Variants in TMPRSS7 observed in about 807,000 individuals in gnomAD.
TMPRSS7 encodes the protein transmembrane protease serine 7.
In TMPRSS7, 81 loss-of-function variants were observed where a neutral mutation model predicts 95.6. The ratio of observed to expected loss-of-function variants is 0.85; its 90% CI spans 0.71 to 1.02. TMPRSS7 has a LOEUF of 1.02. Ranked by LOEUF, TMPRSS7 falls within the 50% of genes least tolerant of loss-of-function variation. The probability of loss-of-function intolerance (pLI) is 0.00; values close to 1 mark genes in which losing one functional copy is unlikely to be tolerated. For synonymous variants in TMPRSS7, 364 were observed against 337.8 expected, an observed-to-expected ratio of 1.08 and a Z score of -0.85; for missense variants, 945 against 955.2, an observed-to-expected ratio of 0.99 and a Z score of 0.14.
At chr3:112,044,266 T>A (rs1196702806) in exon 4 of TMPRSS7, 1 of 1,550,408 alleles carries the variant, frequency 6.4e-7, no homozygotes, top group South Asian at 1.2e-5. Context: ...TAAACCTGGT[T>A]TATACAACAT....
rs1198475883 is a variant in TMPRSS7, at chr3:112,076,759, T to C, written c.1956-117T>C. ...CCCCGGACAAAGCCAGTGACTATAA[T>C]AACACCCTGGAAGTCAGGCCCTTCT... is the stretch of plus-strand genomic sequence containing the variant. On this transcript the variant is annotated intron_variant, in intron 15 of 17. Coordinates refer to ENST00000452346, the Ensembl canonical transcript of TMPRSS7. 7.3e-6 allele frequency: 9 copies of C among 1,235,744 alleles called. No individual in the cohort carries two copies. The Admixed American group carries it at 1.5e-4, about 21-fold the overall frequency. The allele number at this position is 1,235,744 out of a possible 1,614,324, so 76.5% of individuals were successfully genotyped here.
exon 8 of TMPRSS7, chr3:112,049,854 C>G: frequency 6.6e-7 from 1 of 1,518,942 alleles, no homozygotes. Flanking sequence ...AATTTGTGAA[C>G]CCACAAGAAC....
intron 1 of TMPRSS7, among the ~76,000 whole-genome samples, chr3:112,037,769 G>A (rs574795542): frequency 7.9e-5 from 12 of 152,022 alleles, no homozygotes; most frequent in African/African-American, 2.2e-4. Context: ...TTCTCAGACC[G>A]GCCGACACTT....
At chr3:112,055,442 A>G (rs2073420668) in intron 9 of TMPRSS7, among the ~76,000 whole-genome samples, 1 of 101,192 alleles carries the variant, frequency 9.9e-6, no homozygotes, top group Admixed American at 1.1e-4. Context: ...GAAACAAGCA[A>G]ACACTTGCGC....
intron 7 of TMPRSS7, among the ~76,000 whole-genome samples, chr3:112,048,415 C>T (rs1236335033): frequency 6.6e-6 from 1 of 152,156 alleles, no homozygotes; most frequent in Non-Finnish European, 1.5e-5. Flanking sequence ...GTATCAATTA[C>T]TTCACAACCT....
chr3:112,042,180 G>A, intron 3 of TMPRSS7, 130 bp downstream of exon 3: 1 of 605,186 alleles, frequency 1.7e-6, no homozygotes, highest in Non-Finnish European at 2.8e-6. Flanking sequence ...GTAGACAAAG[G>A]AAGGTGTCAG....
Position 112,077,471 on chromosome 3 carries a change from C to A in TMPRSS7, c.2224+327C>A, listed in dbSNP as rs2073725937. Among the ~76,000 whole-genome samples the A allele has an allele frequency of 1.3e-5, 2 of 152,148 alleles. 1 individual carries two copies. Among genetic ancestry groups the A allele is most frequent in the South Asian group, 4.2e-4 (2 of 4,812 alleles). ...AGAGAAGGAGCAATTCCTCCCTTTT[C>A]ATTCAAAGAAATGATTCATTTATAA... On this transcript the variant is annotated intron_variant, in intron 16 of 17. Coordinates refer to ENST00000452346, the Ensembl canonical transcript of TMPRSS7.
At position 112,061,779 on chromosome 3, in the gene TMPRSS7, C is replaced by T; in HGVS notation, c.1311-8C>T. On this transcript the variant is annotated splice_polypyrimidine_tract_variant and splice_region_variant and intron_variant, in intron 10 of 17. Coordinates refer to ENST00000452346, the Ensembl canonical transcript of TMPRSS7. ...GCTGTGTATTCTCCCCGACTCTTGT[C>T]TCCCCAGGTACTGTGGCTCCTACAT... The T allele has an allele frequency of 6.3e-7, 1 of 1,593,884 alleles. No individual in the cohort carries two copies. Among genetic ancestry groups the T allele is most frequent in the Non-Finnish European group, 8.6e-7 (1 of 1,169,288 alleles).
At chr3:112,061,129 T>C (rs554344040) in intron 10 of TMPRSS7, among the ~76,000 whole-genome samples, 1 of 152,280 alleles carries the variant, frequency 6.6e-6, no homozygotes, top group South Asian at 2.1e-4. Context: ...GGGCCTGCAA[T>C]ATAATAATAC....
At chr3:112,070,682 T>G (rs1687764503) in intron 13 of TMPRSS7, among the ~76,000 whole-genome samples, 2 of 152,254 alleles carry the variant, frequency 1.3e-5, no homozygotes, top group African/African-American at 4.8e-5. Flanking sequence ...ATTTGCTTGG[T>G]AGATCTTCCT....
intron 13 of TMPRSS7, among the ~76,000 whole-genome samples, chr3:112,071,781 T>C (rs963838762): frequency 2.6e-5 from 4 of 152,252 alleles, no homozygotes; most frequent in African/African-American, 7.2e-5. Flanking sequence ...TCTCGTGCCA[T>C]AGTTTTCAGC....
chr3:112,045,158 T>G (rs75312806), intron 4 of TMPRSS7, among the ~76,000 whole-genome samples: 1 of 152,202 alleles, frequency 6.6e-6, no homozygotes, highest in South Asian at 2.1e-4. Flanking sequence ...TAATTTTTTT[T>G]CTTTTTTGAG....
At chr3:112,059,793 G>C (rs1469704225) in intron 10 of TMPRSS7, among the ~76,000 whole-genome samples, 4 of 152,172 alleles carry the variant, frequency 2.6e-5, no homozygotes, top group East Asian at 1.9e-4. Flanking sequence ...ACACATGAAT[G>C]CTTTCCTCCT....
At chr3:112,065,425 T>G (rs1439631749) in intron 12 of TMPRSS7, among the ~76,000 whole-genome samples, 1 of 152,240 alleles carries the variant, frequency 6.6e-6, no homozygotes, top group Non-Finnish European at 1.5e-5. Context: ...TCTATAGTAT[T>G]CTATTTCTTA....
intron 5 of TMPRSS7, among the ~76,000 whole-genome samples, chr3:112,046,519 T>A (rs910030958): frequency 6.6e-6 from 1 of 152,182 alleles, no homozygotes; most frequent in Non-Finnish European, 1.5e-5. Context: ...TTTAAAAATA[T>A]ATAAGTATAT....
intron 5 of TMPRSS7, among the ~76,000 whole-genome samples, chr3:112,046,220 A>C (rs901138997): frequency 3.9e-5 from 6 of 152,198 alleles, no homozygotes; most frequent in African/African-American, 7.2e-5. Context: ...ATGCATCATC[A>C]AACTAAGTCC....
chr3:112,077,066 T>C (rs1283288590), exon 16 of TMPRSS7: 1 of 1,614,214 alleles, frequency 6.2e-7, no homozygotes, highest in Admixed American at 1.7e-5. Context: ...TCAGCCAATA[T>C]GCATTCCTCC....
At position 112,050,785 on chromosome 3, in the gene TMPRSS7, T is replaced by A. The variant is rs1373062653; in HGVS notation, c.1203+2T>A. On this transcript the variant is annotated splice_donor_variant, in intron 9 of 17. Coordinates refer to ENST00000452346, the Ensembl canonical transcript of TMPRSS7. LOFTEE classifies it high-confidence loss of function. The stretch of plus-strand genomic sequence containing the variant: ...TGCAAGTGTACCTGGAAATTTCAGG[T>A]AGCCTAGTTCTACCAGTGTCTTAGA... 2 of 1,561,712 alleles carry A rather than the reference T, an allele frequency of 1.3e-6. No individual in the cohort carries two copies.
At position 112,042,196 on chromosome 3, in the gene TMPRSS7, A is replaced by G. The variant is rs1258113780; in HGVS notation, c.429+146A>G. ...TAGACAAAGGAAGGTGTCAGAAGAA[A>G]ACATGAAATCTAGCACATCTTGGCT... On this transcript the variant is annotated intron_variant, in intron 3 of 17. Coordinates refer to ENST00000452346, the Ensembl canonical transcript of TMPRSS7. 6 of 574,906 alleles carry G rather than the reference A, an allele frequency of 1.0e-5. No individual in the cohort carries two copies. The African/African-American group carries it at 1.1e-4, about 11-fold the overall frequency. The allele number at this position is 574,906 out of a possible 1,614,324, so 35.6% of individuals were successfully genotyped here.
Sources: allele counts gnomAD v4.1 joint callset (sites outside exome capture counted in the v4.1 genomes callset), GRCh38; gene constraint gnomAD v4.1.1; transcripts MANE v1.5; gene names NCBI Gene and HGNC (gene_info 2026-07-23, HGNC 2026-07-21).